The following ZNF385D variants were observed in gnomAD, a reference collection of about 807,000 sequenced individuals.
ZNF385D encodes zinc finger protein 659.
ZNF385D carries 15 observed loss-of-function variants against 35.8 expected under a neutral mutation model. The ratio of observed to expected loss-of-function variants is 0.42; its 90% CI spans 0.28 to 0.64. The LOEUF (loss-of-function observed/expected upper bound fraction) is 0.64. Among genes scored for constraint, ZNF385D ranks in the 30% least tolerant of loss-of-function variants. The pLI, the probability that ZNF385D is intolerant of heterozygous loss-of-function variation, is 0.23. For missense variants in ZNF385D, 474 were observed against 494.6 expected (o/e 0.96, Z 0.39); for synonymous variants, 212 against 186.8 (o/e 1.13, Z -1.10).
At chr3:21,842,130 A>G (rs1215903570) in intron 3 of ZNF385D, among the ~76,000 whole-genome samples, 2 of 151,958 alleles carry the variant, frequency 1.3e-5, no homozygotes, top group Non-Finnish European at 2.9e-5. Context: ...TCAGATGAAA[A>G]ACCAATGACA....
At chr3:22,325,758 A>AAAAAAAC (rs1392709161) in intron 2 of ZNF385D, among the ~76,000 whole-genome samples, 7 of 152,096 alleles carry the variant, frequency 4.6e-5, no homozygotes, top group African/African-American at 1.7e-4. Flanking sequence ...ACTCTGTCTC[A>AAAAAAAC]AAAAAACAAA....
chr3:22,249,824 A>G (rs1048070435), intron 2 of ZNF385D, among the ~76,000 whole-genome samples: 1 of 152,164 alleles, frequency 6.6e-6, no homozygotes, highest in African/African-American at 2.4e-5. Context: ...GGACCACTAG[A>G]GTCCACCTGA....
intron 3 of ZNF385D, among the ~76,000 whole-genome samples, chr3:22,029,801 G>C (rs1842318): frequency 1.3e-5 from 2 of 151,912 alleles, no homozygotes; most frequent in African/African-American, 4.8e-5. Flanking sequence ...TTATGACATT[G>C]TCTTTATTTG....
chr3:21,866,988 A>G (rs1402423967), intron 3 of ZNF385D, among the ~76,000 whole-genome samples: 2 of 152,086 alleles, frequency 1.3e-5, no homozygotes, highest in Admixed American at 6.5e-5. Flanking sequence ...TGTGCTACAT[A>G]ACAGAACACC....
chr3:21,833,669 A>T (rs2125769942), intron 3 of ZNF385D, among the ~76,000 whole-genome samples: 1 of 152,296 alleles, frequency 6.6e-6, no homozygotes, highest in Middle Eastern at 3.4e-3. Context: ...CAGCTCCAGG[A>T]AACAAAATAA....
chr3:22,353,202 G>A (rs1201197437), intron 2 of ZNF385D, among the ~76,000 whole-genome samples: 1 of 152,130 alleles, frequency 6.6e-6, no homozygotes, highest in Non-Finnish European at 1.5e-5. Context: ...CTTGCTACTG[G>A]AATCTCTTCA....
chr3:21,976,817 C>A (rs1231900671), intron 3 of ZNF385D, among the ~76,000 whole-genome samples: 1 of 152,026 alleles, frequency 6.6e-6, no homozygotes, highest in Non-Finnish European at 1.5e-5. Context: ...ATGGTGAAAC[C>A]CCATCTCTGC....
intron 2 of ZNF385D, among the ~76,000 whole-genome samples, chr3:22,327,319 T>C (rs984284376): frequency 8.6e-5 from 13 of 152,010 alleles, no homozygotes; most frequent in Admixed American, 2.0e-4. Context: ...TTCTGTAAAA[T>C]AAGAAATGTA....
chr3:22,328,565 C>A (rs1218193870), intron 2 of ZNF385D, among the ~76,000 whole-genome samples: 1 of 151,666 alleles, frequency 6.6e-6, no homozygotes, highest in Non-Finnish European at 1.5e-5. Context: ...GATATCGAGA[C>A]CATCCTGGCC....
intron 1 of ZNF385D, among the ~76,000 whole-genome samples, chr3:21,735,976 T>G (rs1304619030): frequency 6.6e-6 from 1 of 152,228 alleles, no homozygotes; most frequent in Non-Finnish European, 1.5e-5. Context: ...CCAAGAATTG[T>G]GTGCTGGACA....
Position 22,015,466 on chromosome 3 carries a change from G to T in ZNF385D, c.325+153351C>A, listed in dbSNP as rs186947734. 3.2e-3 allele frequency among the ~76,000 whole-genome samples: 481 copies of T among 152,190 alleles called. 4 individuals carry two copies. The highest frequency in any genetic ancestry group is 6.8e-3 in the Middle Eastern group (2 of 294). The stretch of plus-strand genomic sequence containing the variant: ...CCTTCCTTGCCACCATCCTTGGGCA[G>T]CCCCACAGCTCACTGTCATTCATTT... On this transcript the variant is annotated intron_variant, in intron 3 of 5. Transcript: ENST00000494108.
chr3:22,200,066 A>C (rs1696678817), intron 2 of ZNF385D, among the ~76,000 whole-genome samples: 1 of 152,098 alleles, frequency 6.6e-6, no homozygotes, highest in South Asian at 2.1e-4. Context: ...AAGATCATAC[A>C]AGTAAAAGCT....
intron 3 of ZNF385D, among the ~76,000 whole-genome samples, chr3:22,070,957 T>C (rs1700198416): frequency 1.3e-5 from 2 of 152,138 alleles, no homozygotes; most frequent in South Asian, 4.1e-4. Context: ...TAACCAATAT[T>C]AGGAAGAATA....
intron 3 of ZNF385D, among the ~76,000 whole-genome samples, chr3:21,761,045 C>G (rs1342900728): frequency 3.3e-5 from 5 of 152,070 alleles, no homozygotes; most frequent in Admixed American, 6.6e-5. Flanking sequence ...TTAGGAATAG[C>G]CACCTGCCAT....
intron 1 of ZNF385D, among the ~76,000 whole-genome samples, chr3:21,672,608 C>G (rs2066610260): frequency 6.6e-6 from 1 of 152,098 alleles, no homozygotes. Context: ...TCGATCTTTT[C>G]CCATGAAGGA....
Position 21,673,252 on chromosome 3 carries a change from A to G in ZNF385D, c.23-8224T>C, listed in dbSNP as rs145032465. 6.4e-3 allele frequency among the ~76,000 whole-genome samples: 981 copies of G among 152,296 alleles called. 10 individuals carry two copies. Among genetic ancestry groups the G allele is most frequent in the South Asian group, 9.7e-3 (47 of 4,830 alleles). ...AATTTGAATGAATTAAAATTAGTAC[A>G]ATAAAAAAAATTCAGTTATCAGTCA... On this transcript the variant is annotated intron_variant, in intron 1 of 7. Coordinates refer to ENST00000281523, the MANE Select transcript of ZNF385D (RefSeq NM_024697.3).
intron 3 of ZNF385D, among the ~76,000 whole-genome samples, chr3:21,989,014 G>C (rs1020686200): frequency 2.0e-5 from 3 of 151,972 alleles, no homozygotes; most frequent in African/African-American, 7.2e-5. Context: ...GCTTCGGCTC[G>C]CGCACGGTGC....
intron 3 of ZNF385D, among the ~76,000 whole-genome samples, chr3:21,861,964 G>A (rs1357316659): frequency 1.3e-5 from 2 of 152,212 alleles, no homozygotes; most frequent in Non-Finnish European, 2.9e-5. Flanking sequence ...ATGCCTTGAA[G>A]ACGTAATCAC....
chr3:22,153,255 T>A (rs1705367964), intron 3 of ZNF385D, among the ~76,000 whole-genome samples: 1 of 152,058 alleles, frequency 6.6e-6, no homozygotes, highest in South Asian at 2.1e-4. Context: ...TCTTAGGTAC[T>A]CTATAGTTCC....
Sources: gnomAD v4.1 joint callset for allele counts (sites outside exome capture counted in the v4.1 genomes callset) on GRCh38, gnomAD v4.1.1 for gene constraint, MANE v1.5 for transcripts, NCBI Gene and HGNC (gene_info 2026-07-23, HGNC 2026-07-21) for gene names.